CDADC1: variants seen among roughly 807,000 people sequenced by gnomAD.
The protein encoded by CDADC1 is cytidine and dCMP deaminase domain containing 1, also known as dCTP deaminase.
Under a neutral mutation model 54.9 loss-of-function variants are expected in CDADC1, and 39 were observed. The observed-to-expected ratio is 0.71, with a 90% confidence interval of 0.55 to 0.93. The LOEUF (loss-of-function observed/expected upper bound fraction) is 0.93. Ranked by LOEUF, CDADC1 falls within the 40% of genes least tolerant of loss-of-function variation. CDADC1 has a pLI of 0.00. For missense variants in CDADC1, 518 were observed against 618.8 expected, an observed-to-expected ratio of 0.84 and a Z score of 1.73; for synonymous variants, 186 against 204.0, an observed-to-expected ratio of 0.91 and a Z score of 0.75.
rs143399501 is a variant in CDADC1, at chr13:49,268,159, C to CT, written c.1000+102dup. ...GGTAGAGTTCATTTACTCATAGTTA[C>CT]TTAAGTTTTGCTGTTCATACAATAT... On this transcript the variant is annotated intron_variant, in intron 5 of 9. Coordinates refer to ENST00000251108, the MANE Select transcript of CDADC1 (RefSeq NM_030911.4). 7,147 of 973,208 alleles carry CT rather than the reference C, an allele frequency of 7.3e-3. 312 individuals carry two copies. The African/African-American group carries it at 0.098, about 13-fold the overall frequency. The allele number at this position is 973,208 out of a possible 1,614,324, so 60.3% of individuals were successfully genotyped here.
chr13:49,277,737 G>C (rs1460518960), intron 6 of CDADC1, among the ~76,000 whole-genome samples: 1 of 152,038 alleles, frequency 6.6e-6, no homozygotes, highest in Non-Finnish European at 1.5e-5. Context: ...AGAGAAATAA[G>C]AGCCATTGAA....
At position 49,292,247 on chromosome 13, in the gene CDADC1, G is replaced by A. The variant is rs1167977836; in HGVS notation, c.*490G>A. 1 of 979,348 alleles carries A rather than the reference G, an allele frequency of 1.0e-6. No homozygotes were observed. Among genetic ancestry groups the A allele is most frequent in the Admixed American group, 5.8e-5 (1 of 17,124 alleles). 60.7% of individuals were successfully genotyped at this position (979,348 alleles called of 1,614,324 possible). On this transcript the variant is annotated 3_prime_UTR_variant, in exon 10 of 10. Coordinates refer to ENST00000251108, the MANE Select transcript of CDADC1 (RefSeq NM_030911.4). ...TCACATTTATACCCAAAGCTTTCTA[G>A]TAATCAGAATTTACTTAATTAGAAT... is the stretch of plus-strand genomic sequence containing the variant.
intron 4 of CDADC1, among the ~76,000 whole-genome samples, chr13:49,263,961 C>T (rs1952749941): frequency 6.6e-6 from 1 of 152,210 alleles, no homozygotes; most frequent in Non-Finnish European, 1.5e-5. Flanking sequence ...GAGCCATAGG[C>T]CTTCATTCAC....
intron 8 of CDADC1, among the ~76,000 whole-genome samples, chr13:49,283,020 G>A (rs537178315): frequency 6.6e-6 from 1 of 152,298 alleles, no homozygotes; most frequent in East Asian, 1.9e-4. Context: ...TTTAATCCTG[G>A]CATTGAATGA....
chr13:49,251,491 C>G (rs1952432744), intron 2 of CDADC1, among the ~76,000 whole-genome samples: 1 of 151,276 alleles, frequency 6.6e-6, no homozygotes, highest in African/African-American at 2.4e-5. Context: ...TGTAAATATC[C>G]AGATGTGATC....
At chr13:49,258,866 T>A (rs1256394601) in intron 3 of CDADC1, among the ~76,000 whole-genome samples, 2 of 152,218 alleles carry the variant, frequency 1.3e-5, no homozygotes, top group Non-Finnish European at 2.9e-5. Flanking sequence ...ATTTTAGAAT[T>A]TAAGATGACC....
intron 2 of CDADC1, among the ~76,000 whole-genome samples, chr13:49,252,189 G>A (rs1408669742): frequency 6.6e-6 from 1 of 152,106 alleles, no homozygotes; most frequent in Non-Finnish European, 1.5e-5. Context: ...TCACTGCATT[G>A]GTGTCTTTCC....
intron 2 of CDADC1, among the ~76,000 whole-genome samples, chr13:49,250,753 C>A (rs564899108): frequency 6.6e-6 from 1 of 152,150 alleles, no homozygotes; most frequent in African/African-American, 2.4e-5. Flanking sequence ...TGAGGATATT[C>A]GCTTCTCATA....
rs374795500 is a variant in CDADC1 at position 49,255,710 on chromosome 13, A to G, written c.178-129A>G. On this transcript the variant is annotated intron_variant, in intron 2 of 9. Transcript: ENST00000251108. The stretch of plus-strand genomic sequence containing the variant: ...TTGATCCAAACAAAGTGGGAAGTCA[A>G]TGTAGAGTTTCATCATGGAAAAAAA... 1.5e-4 allele frequency: 163 copies of G among 1,082,314 alleles called. No individual in the cohort carries two copies. In the East Asian group the frequency reaches 3.9e-3, roughly 26 times the overall value. 67.0% of individuals were successfully genotyped at this position (1,082,314 alleles called of 1,614,324 possible).
At chr13:49,283,922 A>G (rs74074518) in intron 8 of CDADC1, among the ~76,000 whole-genome samples, 1,781 of 152,338 alleles carry the variant, frequency 0.012, 28 homozygotes, top group African/African-American at 0.04. Flanking sequence ...ATTAACATGA[A>G]CTAGAATTTG....
At chr13:49,274,077 T>A (rs2138236412) in intron 5 of CDADC1, among the ~76,000 whole-genome samples, 1 of 152,338 alleles carries the variant, frequency 6.6e-6, no homozygotes, top group South Asian at 2.1e-4. Flanking sequence ...ACTGAGTTGG[T>A]AGTGACTCTC....
intron 5 of CDADC1, among the ~76,000 whole-genome samples, chr13:49,272,211 T>C (rs1346926143): frequency 6.6e-6 from 1 of 152,254 alleles, no homozygotes; most frequent in Non-Finnish European, 1.5e-5. Context: ...TCTGGTTTTT[T>C]ATTTTTTCAT....
intron 5 of CDADC1, among the ~76,000 whole-genome samples, chr13:49,273,171 T>G (rs1953013913): frequency 6.6e-6 from 1 of 152,228 alleles, no homozygotes. Context: ...TCATTCTAGT[T>G]TTTAATGCAA....
chr13:49,282,479 A>G (rs961497123), intron 8 of CDADC1, among the ~76,000 whole-genome samples: 22 of 152,310 alleles, frequency 1.4e-4, no homozygotes, highest in African/African-American at 5.3e-4. Context: ...TAAAAACACT[A>G]CAAAGAAATT....
intron 1 of CDADC1, chr13:49,248,378 A>T: frequency 2.3e-6 from 1 of 436,276 alleles, no homozygotes; most frequent in Non-Finnish European, 4.1e-6. Context: ...GAGGTCAAAG[A>T]GCCTGAACAT....
At position 49,267,416 on chromosome 13, in the gene CDADC1, T is replaced by C. The variant is rs564363039; in HGVS notation, c.431-74T>C. 34 of 1,171,266 alleles carry C rather than the reference T, an allele frequency of 2.9e-5. No homozygotes were observed. In the African/African-American group the frequency reaches 4.5e-4, roughly 15 times the overall value. The allele number at this position is 1,171,266 out of a possible 1,614,324, so 72.6% of individuals were successfully genotyped here. A position where few individuals can be genotyped will look rare whatever the true frequency, so the allele number is the denominator to read the frequency against. ...GAGGGTTCTAGATATACTGCAATGA[T>C]AGGGTGGATTTTATAATGAAAACCC... is the stretch of plus-strand genomic sequence containing the variant. On this transcript the variant is annotated intron_variant, in intron 4 of 9. Transcript: ENST00000251108.
Position 49,280,575 on chromosome 13 carries a change from T to C in CDADC1, c.1287T>C (p.Cys429=). The stretch of plus-strand genomic sequence containing the variant: ...TGACAAAGTGCCCATGTGATGAGTG[T>C]GTACCTTTAATTAAAGGTGCAGGCA... ...IFVTKCPCDE[C]VPLIKGAGIK... Residue 429 remains cysteine, a synonymous_variant, in exon 8 of 10, where the codon TGT becomes TGC. Transcript: ENST00000251108. 6.3e-7 allele frequency: 1 copy of C among 1,576,854 alleles called. No homozygotes were observed. The highest frequency in any genetic ancestry group is 1.2e-5 in the South Asian group (1 of 85,862).
At chr13:49,266,256 C>G (rs1177686725) in intron 4 of CDADC1, among the ~76,000 whole-genome samples, 1 of 152,116 alleles carries the variant, frequency 6.6e-6, no homozygotes, top group Non-Finnish European at 1.5e-5. Context: ...AATTGACGAA[C>G]ATTTGTGTAC....
intron 2 of CDADC1, among the ~76,000 whole-genome samples, chr13:49,251,385 C>T (rs1235997991): frequency 4.3e-5 from 6 of 138,012 alleles, no homozygotes; most frequent in South Asian, 2.2e-4. Flanking sequence ...TCCAGCCTGG[C>T]GACAGAAAAA....
Sources: gnomAD v4.1 joint callset for allele counts (sites outside exome capture counted in the v4.1 genomes callset) on GRCh38, gnomAD v4.1.1 for gene constraint, MANE v1.5 for transcripts, NCBI Gene and HGNC (gene_info 2026-07-23, HGNC 2026-07-21) for gene names.